FAM163A: variants seen among roughly 807,000 people sequenced by gnomAD.
FAM163A encodes the protein family with sequence similarity 163 member A.
In FAM163A, 7 loss-of-function variants were observed where a neutral mutation model predicts 12.0. That is an observed-to-expected ratio of 0.58 (90% CI 0.33 to 1.10). The LOEUF (loss-of-function observed/expected upper bound fraction) is 1.10, where lower values mean the gene tolerates loss of function less well. Among genes scored for constraint, FAM163A ranks in the 50% least tolerant of loss-of-function variants. FAM163A has a pLI of 0.03. For missense variants in FAM163A, 202 were observed against 218.6 expected (o/e 0.92, Z 0.48); for synonymous variants, 101 against 91.0 (o/e 1.11, Z -0.62).
At chr1:179,812,962 C>G in intron 3 of FAM163A, 114 bp from the exon 4 acceptor site, 1 of 960,744 alleles carries the variant, frequency 1.0e-6, no homozygotes, top group Non-Finnish European at 1.6e-6. Context: ...CTCCCGGCAC[C>G]TGCTGCTCTC....
intron 1 of FAM163A, among the ~76,000 whole-genome samples, chr1:179,756,523 A>G: frequency 6.6e-6 from 1 of 152,232 alleles, no homozygotes; most frequent in African/African-American, 2.4e-5. Flanking sequence ...TCTGGGGGAA[A>G]GAGCAGGTAA....
At chr1:179,768,814 C>T (rs1235612847) in intron 1 of FAM163A, among the ~76,000 whole-genome samples, 1 of 152,130 alleles carries the variant, frequency 6.6e-6, no homozygotes, top group Non-Finnish European at 1.5e-5. Flanking sequence ...CCATGTTGGC[C>T]AGGATGGTCT....
At chr1:179,748,810 AG>A (rs1684868732) in intron 1 of FAM163A, among the ~76,000 whole-genome samples, 1 of 152,258 alleles carries the variant, frequency 6.6e-6, no homozygotes, top group African/African-American at 2.4e-5. Context: ...CTCAGACAAC[AG>A]GTTGGGCAAA....
rs141059903 is a variant in FAM163A at position 179,744,504 on chromosome 1, G to A, written c.-136+1081G>A. On this transcript the variant is annotated intron_variant, in intron 1 of 4. Transcript: ENST00000341785. ...CTGGTTCTCTGCGGCTCCGAAGGCC[G>A]CGAGGGAAGTCAGGGGTGCAGATCT... is the stretch of plus-strand genomic sequence containing the variant. 7.5e-3 allele frequency among the ~76,000 whole-genome samples: 1,142 copies of A among 152,284 alleles called. 14 individuals carry two copies. Among genetic ancestry groups the A allele is most frequent in the African/African-American group, 0.026 (1,090 of 41,562 alleles).
chr1:179,793,515 T>C (rs2148265433), intron 1 of FAM163A, among the ~76,000 whole-genome samples: 1 of 152,270 alleles, frequency 6.6e-6, no homozygotes, highest in Non-Finnish European at 1.5e-5. Context: ...CATGCAGGGA[T>C]TCCATGGACC....
At chr1:179,740,695 G>A (rs577971990), upstream of FAM163A, among the ~76,000 whole-genome samples, 227 of 152,258 alleles carry the variant, frequency 1.5e-3, no homozygotes, top group Admixed American at 2.2e-3. Flanking sequence ...TTTACATTTT[G>A]GAAATGGGAA....
chr1:179,752,128 T>C (rs1685353110), intron 1 of FAM163A, among the ~76,000 whole-genome samples: 2 of 152,192 alleles, frequency 1.3e-5, no homozygotes, highest in South Asian at 4.1e-4. Flanking sequence ...AATAGAGAGT[T>C]CACAAATAAA....
rs567204290 is a variant in FAM163A, at chr1:179,758,931, C to T, written c.-136+15508C>T. 9.8e-5 allele frequency among the ~76,000 whole-genome samples: 15 copies of T among 152,298 alleles called. 1 individual carries two copies. The South Asian group carries it at 3.1e-3, about 32-fold the overall frequency. On this transcript the variant is annotated intron_variant, in intron 1 of 4. Coordinates refer to ENST00000341785, the MANE Select transcript of FAM163A (RefSeq NM_173509.3). ...TTCTGATTGATCATGATATGCCCTA[C>T]TAGTTGTTAAATAGTTTTAATAGCA...
the FAM163A span, among the ~76,000 whole-genome samples, chr1:179,735,008 C>CA: frequency 6.6e-6 from 1 of 151,886 alleles, no homozygotes; most frequent in Non-Finnish European, 1.5e-5. Context: ...AAAGTTAAAA[C>CA]AAAAAAAGTT....
In FAM163A at chr1:179,745,130, C is replaced by A. The variant is rs1011304258; in HGVS notation, c.-136+1707C>A. ...CTAAGAGAATCTAAACCAGCAGGTA[C>A]AGACAGGGTCATGCTGGCGTCCAGA... On this transcript the variant is annotated intron_variant, in intron 1 of 4. Coordinates refer to ENST00000341785, the MANE Select transcript of FAM163A (RefSeq NM_173509.3). Among the ~76,000 whole-genome samples the A allele has an allele frequency of 2.0e-5, 3 of 151,992 alleles. 1 individual carries two copies. Among genetic ancestry groups the A allele is most frequent in the Admixed American group, 2.0e-4 (3 of 15,256 alleles).
At chr1:179,781,122 T>C (rs1249831247) in intron 1 of FAM163A, among the ~76,000 whole-genome samples, 1 of 152,172 alleles carries the variant, frequency 6.6e-6, no homozygotes, top group Non-Finnish European at 1.5e-5. Flanking sequence ...GAAAGTAGAT[T>C]CGTGGTTGCC....
chr1:179,774,706 G>A (rs1365124515), intron 1 of FAM163A, among the ~76,000 whole-genome samples: 2 of 152,168 alleles, frequency 1.3e-5, no homozygotes, highest in Non-Finnish European at 2.9e-5. Flanking sequence ...CTGGTTCCCT[G>A]TGGGGTGAGC....
intron 1 of FAM163A, among the ~76,000 whole-genome samples, chr1:179,792,663 G>A (rs1350562837): frequency 6.6e-6 from 1 of 152,046 alleles, no homozygotes; most frequent in Non-Finnish European, 1.5e-5. Context: ...TTCTCTGTGT[G>A]CCTCCATTAG....
chr1:179,781,453 G>A (rs1434433477), intron 1 of FAM163A, among the ~76,000 whole-genome samples: 1 of 151,560 alleles, frequency 6.6e-6, no homozygotes, highest in Non-Finnish European at 1.5e-5. Context: ...TCGGTTGGTT[G>A]ACTGCTCTGA....
chr1:179,814,220 A>G lies in FAM163A; in HGVS notation c.*31A>G. 1 of 1,568,470 alleles carries G rather than the reference A, an allele frequency of 6.4e-7. No individual in the cohort carries two copies. The highest frequency in any genetic ancestry group is 8.7e-7 in the Non-Finnish European group (1 of 1,154,334). ...TCCACCCCGACCCGCACACACACCC[A>G]CACTGCTGCCCTGGCGGGGGCCATG... On this transcript the variant is annotated 3_prime_UTR_variant, in exon 5 of 5. Coordinates refer to ENST00000341785, the MANE Select transcript of FAM163A (RefSeq NM_173509.3).
At chr1:179,793,491 A>G (rs1026760053) in intron 1 of FAM163A, among the ~76,000 whole-genome samples, 3 of 152,228 alleles carry the variant, frequency 2.0e-5, no homozygotes, top group Admixed American at 2.0e-4. Flanking sequence ...AGAAATGAGA[A>G]AAGCGTACGT....
intron 1 of FAM163A, among the ~76,000 whole-genome samples, chr1:179,784,936 C>T (rs889350498): frequency 2.0e-5 from 3 of 152,124 alleles, no homozygotes; most frequent in African/African-American, 7.2e-5. Context: ...CCTGGCTACC[C>T]GGCAGGTAGT....
At chr1:179,813,317 G>A (rs1694958656) in intron 4 of FAM163A, 127 bp downstream of exon 4, 2 of 933,304 alleles carry the variant, frequency 2.1e-6, no homozygotes, top group East Asian at 5.4e-5. Flanking sequence ...TGTAGCAGGC[G>A]TAAGTCAAGG....
At chr1:179,753,944 AT>A (rs776465244) in intron 1 of FAM163A, among the ~76,000 whole-genome samples, 23 of 152,240 alleles carry the variant, frequency 1.5e-4, no homozygotes, top group Non-Finnish European at 2.1e-4. Context: ...ATAGAAAGTG[AT>A]TAACAAAGGT....
Sources: gnomAD v4.1 joint callset for allele counts (sites outside exome capture counted in the v4.1 genomes callset) on GRCh38, gnomAD v4.1.1 for gene constraint, MANE v1.5 for transcripts, NCBI Gene and HGNC (gene_info 2026-07-23, HGNC 2026-07-21) for gene names.